The following UFD1 variants were observed in gnomAD, a reference collection of about 807,000 sequenced individuals.
UFD1 encodes the protein ubiquitin recognition factor in ER associated degradation 1.
In UFD1, 13 loss-of-function variants were observed where a neutral mutation model predicts 45.9. The observed-to-expected ratio is 0.28, with a 90% CI of 0.18 to 0.45. The LOEUF is 0.45. UFD1 is among the 20% of genes least tolerant of loss of function. The probability of loss-of-function intolerance (pLI) is 1.00; values close to 1 mark genes in which losing one functional copy is unlikely to be tolerated. For missense variants in UFD1, 218 were observed against 389.2 expected, an observed-to-expected ratio of 0.56 and a Z score of 3.70; for synonymous variants, 128 against 139.2, an observed-to-expected ratio of 0.92 and a Z score of 0.56.
chr22:19,468,509 CAT>C (rs899001309), intron 4 of UFD1, among the ~76,000 whole-genome samples: 1 of 152,208 alleles, frequency 6.6e-6, no homozygotes, highest in African/African-American at 2.4e-5. Context: ...AAAGCCTCCA[CAT>C]GTCTCTATTA....
At chr22:19,471,570 A>G in intron 4 of UFD1, 117 bp downstream of exon 4, 1 of 1,448,514 alleles carries the variant, frequency 6.9e-7, no homozygotes, top group African/African-American at 1.4e-5. Flanking sequence ...GGCTCAGGCT[A>G]AGACGCTGAG....
intron 6 of UFD1, among the ~76,000 whole-genome samples, chr22:19,459,001 A>G (rs1376117090): frequency 6.6e-6 from 1 of 152,232 alleles, no homozygotes; most frequent in East Asian, 1.9e-4. Flanking sequence ...TTATTTTATA[A>G]TAAAATGTTG....
chr22:19,475,778 C>A (rs1472619737), intron 1 of UFD1, among the ~76,000 whole-genome samples, 176 bp from the exon 2 acceptor site: 1 of 152,122 alleles, frequency 6.6e-6, no homozygotes, highest in Non-Finnish European at 1.5e-5. Flanking sequence ...TGTCCTGAAC[C>A]TTTTTCAGGG....
chr22:19,468,925 G>A (rs1401332562), intron 4 of UFD1, among the ~76,000 whole-genome samples: 1 of 152,212 alleles, frequency 6.6e-6, no homozygotes, highest in African/African-American at 2.4e-5. Flanking sequence ...GCTGAGGGCT[G>A]TGTCACAAAT....
At chr22:19,471,292 A>G in intron 4 of UFD1, 1 of 527,730 alleles carries the variant, frequency 1.9e-6, no homozygotes, top group South Asian at 1.4e-5. Flanking sequence ...GAGGTAACTG[A>G]AAACATGTAT....
At chr22:19,457,958 A>T in intron 7 of UFD1, 113 bp downstream of exon 7, 2 of 1,065,010 alleles carry the variant, frequency 1.9e-6, no homozygotes, top group South Asian at 1.3e-5. Context: ...CCTCCTCTTT[A>T]CCCAGAGTCC....
chr22:19,474,637 C>T (rs1219211241), intron 3 of UFD1, among the ~76,000 whole-genome samples: 1 of 152,202 alleles, frequency 6.6e-6, no homozygotes, highest in Non-Finnish European at 1.5e-5. Context: ...AACCTGCTCA[C>T]AGCGCCCTCT....
Position 19,456,623 on chromosome 22 carries a change from G to A in UFD1, c.642C>T (p.Ala214=), listed in dbSNP as rs774667289. ...VQHEESTEGE[A]DHSGYAGELG... is the part of the protein sequence containing the mutation. ...GCTCTCCAGCATAGCCACTGTGGTC[G>A]GCTTCACCTTCCTGACAGGGAAAAA... is the stretch of plus-strand genomic sequence containing the variant. The change falls in exon 9 of 12, where the codon GCC becomes GCT. Residue 214 remains alanine, a synonymous_variant. Coordinates refer to ENST00000263202, the MANE Select transcript of UFD1 (RefSeq NM_005659.7). 8.7e-6 allele frequency: 14 copies of A among 1,613,974 alleles called. No homozygotes were observed. The highest frequency in any genetic ancestry group is 5.5e-5 in the South Asian group (5 of 91,088).
intron 10 of UFD1, among the ~76,000 whole-genome samples, chr22:19,455,347 G>A: frequency 6.6e-6 from 1 of 152,166 alleles, no homozygotes; most frequent in Non-Finnish European, 1.5e-5. Flanking sequence ...CAGGAAAATA[G>A]GCAGATCACC....
At chr22:19,464,357 T>C (rs1453213335) in intron 6 of UFD1, among the ~76,000 whole-genome samples, 2 of 152,194 alleles carry the variant, frequency 1.3e-5, no homozygotes, top group Non-Finnish European at 2.9e-5. Flanking sequence ...TGGCAACAGC[T>C]CTGTGGGAGG....
chr22:19,456,748 G>C, intron 8 of UFD1, 105 bp downstream of exon 8: 2 of 1,613,276 alleles, frequency 1.2e-6, no homozygotes, highest in Non-Finnish European at 1.7e-6. Context: ...GGGACGCAGA[G>C]GATATGACTA....
intron 4 of UFD1, chr22:19,470,138 C>T (rs2089833264): frequency 4.4e-6 from 2 of 455,226 alleles, no homozygotes; most frequent in African/African-American, 2.0e-5. Context: ...ACAAGAATAG[C>T]AAGGGGCTGA....
At chr22:19,451,311 G>C (rs2089680961) in intron 11 of UFD1, 1 of 985,322 alleles carries the variant, frequency 1.0e-6, no homozygotes, top group Non-Finnish European at 1.2e-6. Flanking sequence ...ATGTAGGAGG[G>C]CCAGTTTTCT....
chr22:19,461,950 T>G (rs5746740), intron 6 of UFD1, among the ~76,000 whole-genome samples: 128,664 of 151,936 alleles, frequency 0.85, 54,527 homozygotes, highest in South Asian at 0.92. Flanking sequence ...CTTTATCTAA[T>G]TCATTTTATT....
At chr22:19,455,100 T>C (rs1251019448) in intron 10 of UFD1, among the ~76,000 whole-genome samples, 2 of 152,058 alleles carry the variant, frequency 1.3e-5, no homozygotes, top group East Asian at 1.9e-4. Context: ...ACTGTCACTG[T>C]CCTGAGCTTC....
At chr22:19,467,091 T>C (rs1264846535) in intron 5 of UFD1, 1 of 151,478 alleles carries the variant, frequency 6.6e-6, no homozygotes, top group African/African-American at 2.4e-5. Context: ...TAAGAAAACA[T>C]GCGGAGAGAG....
At chr22:19,467,674 G>A (rs1002406266) in intron 5 of UFD1, 199 bp downstream of exon 5, 1 of 788,180 alleles carries the variant, frequency 1.3e-6, no homozygotes, top group Non-Finnish European at 1.9e-6. Flanking sequence ...AGTGACAGAG[G>A]TGGCCCAGAC....
chr22:19,459,283 A>G (rs1366503959), intron 6 of UFD1, among the ~76,000 whole-genome samples: 1 of 152,232 alleles, frequency 6.6e-6, no homozygotes, highest in Non-Finnish European at 1.5e-5. Context: ...CTTGTGTCTA[A>G]GATGACCTCA....
chr22:19,469,131 C>T (rs907702180), intron 4 of UFD1, among the ~76,000 whole-genome samples: 1 of 152,186 alleles, frequency 6.6e-6, no homozygotes, highest in Non-Finnish European at 1.5e-5. Context: ...CCAAATGCCA[C>T]AGGCAGGCAC....
Sources: allele counts gnomAD v4.1 joint callset (sites outside exome capture counted in the v4.1 genomes callset), GRCh38; gene constraint gnomAD v4.1.1; transcripts MANE v1.5; gene names NCBI Gene and HGNC (gene_info 2026-07-23, HGNC 2026-07-21).